The following NCAM2 variants were observed in gnomAD, a reference collection of about 807,000 sequenced individuals.
NCAM2 encodes the protein neural cell adhesion molecule 2.
NCAM2 carries 30 observed loss-of-function variants against 98.1 expected under a neutral mutation model. That is an observed-to-expected ratio of 0.31 (90% CI 0.23 to 0.41). The LOEUF (loss-of-function observed/expected upper bound fraction) is 0.41, where lower values mean the gene tolerates loss of function less well. NCAM2 is among the 10% of genes least tolerant of loss of function. The pLI, the probability that NCAM2 is intolerant of heterozygous loss-of-function variation, is 1.00. For missense variants in NCAM2, 867 were observed against 1,005.8 expected, an observed-to-expected ratio of 0.86 and a Z score of 1.87; for synonymous variants, 368 against 342.4, an observed-to-expected ratio of 1.07 and a Z score of -0.83.
intron 1 of NCAM2, among the ~76,000 whole-genome samples, chr21:21,217,386 G>A (rs1013310209): frequency 2.6e-5 from 4 of 152,068 alleles, no homozygotes; most frequent in Non-Finnish European, 2.9e-5. Context: ...TTCCTAGTGA[G>A]TATATGTTAC....
In NCAM2 at chr21:21,473,243, G is replaced by A. The variant is rs923077850; in HGVS notation, c.1897-4048G>A. ...CCATGGTATTCAAGCCAGGTCCCTT[G>A]ATGCTTCTCGTTTGCCCATTTGTAA... On this transcript the variant is annotated intron_variant, in intron 14 of 17. Transcript: ENST00000400546. 9.9e-5 allele frequency among the ~76,000 whole-genome samples: 15 copies of A among 150,766 alleles called. No homozygotes were observed. The South Asian group carries it at 3.1e-3, about 31-fold the overall frequency.
At chr21:21,504,114 C>T (rs986357213) in intron 15 of NCAM2, among the ~76,000 whole-genome samples, 3 of 151,622 alleles carry the variant, frequency 2.0e-5, no homozygotes, top group African/African-American at 7.3e-5. Flanking sequence ...GTATTTTATC[C>T]ATATCTTTTC....
At chr21:21,014,402 C>T (rs578150615) in intron 1 of NCAM2, among the ~76,000 whole-genome samples, 110 of 137,522 alleles carry the variant, frequency 8.0e-4, no homozygotes, top group African/African-American at 3.0e-3. Flanking sequence ...CCAGCCTGGG[C>T]AATGGAGTGA....
chr21:21,185,062 C>A (rs1950745051), intron 1 of NCAM2, among the ~76,000 whole-genome samples: 1 of 152,134 alleles, frequency 6.6e-6, no homozygotes, highest in African/African-American at 2.4e-5. Context: ...AATAATGATA[C>A]ATTTCCCAGA....
intron 5 of NCAM2, among the ~76,000 whole-genome samples, chr21:21,307,514 GC>G (rs2073921739): frequency 6.6e-6 from 1 of 152,092 alleles, no homozygotes; most frequent in Non-Finnish European, 1.5e-5. Context: ...GCTGGGATCT[GC>G]TCAGTATATT....
At chr21:21,295,697 A>C (rs923674520) in intron 5 of NCAM2, among the ~76,000 whole-genome samples, 2 of 151,862 alleles carry the variant, frequency 1.3e-5, no homozygotes, top group African/African-American at 4.8e-5. Flanking sequence ...GGAGGAGCAG[A>C]TTACAGTTGA....
intron 1 of NCAM2, among the ~76,000 whole-genome samples, chr21:21,227,560 A>G (rs982293082): frequency 6.6e-6 from 1 of 151,824 alleles, no homozygotes; most frequent in African/African-American, 2.4e-5. Flanking sequence ...AGCATTTCAT[A>G]GTTTTTCATA....
At chr21:21,461,164 T>G (rs1982918947) in intron 12 of NCAM2, among the ~76,000 whole-genome samples, 2 of 151,886 alleles carry the variant, frequency 1.3e-5, no homozygotes, top group African/African-American at 4.8e-5. Context: ...TGAAAAAACG[T>G]CAGTTGAATT....
intron 2 of NCAM2, among the ~76,000 whole-genome samples, chr21:21,280,982 G>A (rs1159907228): frequency 6.6e-6 from 1 of 151,884 alleles, no homozygotes; most frequent in African/African-American, 2.4e-5. Flanking sequence ...GTAGAGACGG[G>A]GTTTCACCAT....
intron 11 of NCAM2, among the ~76,000 whole-genome samples, chr21:21,431,367 T>C (rs985437834): frequency 3.3e-5 from 5 of 151,650 alleles, no homozygotes; most frequent in African/African-American, 1.2e-4. Flanking sequence ...AGATAATTCT[T>C]CCGAAATAAT....
At chr21:21,367,350 A>C (rs1366740793) in intron 8 of NCAM2, among the ~76,000 whole-genome samples, 1 of 151,958 alleles carries the variant, frequency 6.6e-6, no homozygotes, top group Non-Finnish European at 1.5e-5. Flanking sequence ...GTACCTTGAC[A>C]AGGAGTTATG....
At chr21:21,145,779 G>A (rs12483298) in intron 1 of NCAM2, among the ~76,000 whole-genome samples, 37,679 of 152,022 alleles carry the variant, frequency 0.25, 5,216 homozygotes, top group East Asian at 0.45. Flanking sequence ...AGTACAAAAC[G>A]ATAAATAAAT....
At chr21:21,175,233 A>G (rs1001214988) in intron 1 of NCAM2, among the ~76,000 whole-genome samples, 1 of 151,924 alleles carries the variant, frequency 6.6e-6, no homozygotes, top group Non-Finnish European at 1.5e-5. Context: ...ATGATGGTAG[A>G]CTTGAAAAAC....
intron 1 of NCAM2, among the ~76,000 whole-genome samples, chr21:21,267,645 A>T (rs1001927817): frequency 2.0e-5 from 3 of 152,100 alleles, no homozygotes; most frequent in African/African-American, 7.2e-5. Context: ...ATATGGAGCA[A>T]TTTTCTTGTG....
chr21:21,530,289 TATATA>T (rs2146415622), intron 16 of NCAM2, among the ~76,000 whole-genome samples: 1 of 126,328 alleles, frequency 7.9e-6, no homozygotes, highest in African/African-American at 3.0e-5. Flanking sequence ...TTAATTTAAT[TATATA>T]TAATTAAATT....
chr21:21,419,931 G>A (rs2077077211), intron 11 of NCAM2, among the ~76,000 whole-genome samples: 1 of 151,910 alleles, frequency 6.6e-6, no homozygotes, highest in Admixed American at 6.6e-5. Flanking sequence ...CTGAGGAATC[G>A]TCACACTGAC....
chr21:21,299,684 T>G (rs1390066123), intron 5 of NCAM2, among the ~76,000 whole-genome samples: 1 of 145,968 alleles, frequency 6.9e-6, no homozygotes, highest in East Asian at 2.3e-4. Context: ...TAGAAAGCAA[T>G]TCTAAATATG....
chr21:21,225,388 C>T (rs368567217), intron 1 of NCAM2, among the ~76,000 whole-genome samples: 1 of 152,152 alleles, frequency 6.6e-6, no homozygotes, highest in African/African-American at 2.4e-5. Flanking sequence ...ACATCCTGCA[C>T]ATGTACCCCA....
intron 12 of NCAM2, among the ~76,000 whole-genome samples, chr21:21,437,687 A>G (rs555159483): frequency 4.6e-5 from 7 of 152,182 alleles, no homozygotes; most frequent in Non-Finnish European, 8.8e-5. Flanking sequence ...GCCACAATTT[A>G]TAGAAAAAAC....
Sources: gnomAD v4.1 joint callset for allele counts (sites outside exome capture counted in the v4.1 genomes callset) on GRCh38, gnomAD v4.1.1 for gene constraint, MANE v1.5 for transcripts, NCBI Gene and HGNC (gene_info 2026-07-23, HGNC 2026-07-21) for gene names.